The following CEMP1 variants were observed in gnomAD, a reference collection of about 807,000 sequenced individuals.
CEMP1 encodes cementum protein 1, also known as cementoblastoma-derived protein 1.
For missense variants in CEMP1, 387 were observed against 316.9 expected (o/e 1.22, Z -1.68); for synonymous variants, 161 against 128.6 (o/e 1.25, Z -1.71).
chr16:2,530,417 T>G lies in CEMP1; in HGVS notation c.657A>C (p.Ser219=). 1.2e-6 allele frequency: 2 copies of G among 1,614,196 alleles called. No individual in the cohort carries two copies. Among genetic ancestry groups the G allele is most frequent in the Non-Finnish European group, 1.7e-6 (2 of 1,180,020 alleles). The change falls in exon 1 of 1, where the codon TCA becomes TCC. Residue 219 remains serine, a synonymous_variant. Transcript: ENST00000567119. ...GGCAAACACGGGCCGTGAGGCTCCC[T>G]GAACAGCTTCGAGGCGGGTGGGCTT... ...APEAHPPRSC[S]GSLTARVCHM... is the part of the protein sequence containing the mutation.
rs200546798 is a variant in CEMP1 at position 2,530,684 on chromosome 16, T to G, written c.390A>C (p.Leu130=). 881 of 1,613,948 alleles carry G rather than the reference T, an allele frequency of 5.5e-4. 1 individual carries two copies. Among genetic ancestry groups the G allele is most frequent in the Non-Finnish European group, 6.6e-4 (778 of 1,180,006 alleles). ...GGAAATGTCTCCAGGTCCAAAGAGA[T>G]AGGATGGTCTGGGCCCCACCTGTTG... ...SLPTGGAQTI[L]SLWTWRHFLN... Residue 130 remains leucine (L), a synonymous_variant, in exon 1 of 1, where the codon CTA becomes CTC. Transcript: ENST00000567119.
chr16:2,530,333 C>A lies in CEMP1; in HGVS notation c.741G>T (p.Gly247=), dbSNP rs1290796503. 1 of 1,614,166 alleles carries A rather than the reference C, an allele frequency of 6.2e-7. No individual in the cohort carries two copies. Among genetic ancestry groups the A allele is most frequent in the East Asian group, 2.2e-5 (1 of 44,888 alleles). The change falls in exon 1 of 1, where the codon GGG becomes GGT. Residue 247 remains glycine (G), a synonymous_variant. Coordinates refer to ENST00000567119, the MANE Select transcript of CEMP1 (RefSeq NM_001048212.3). ...GGGAGGCACCAGTGTGCCCTGCTCA[C>A]CCCATTAGTGTCATCCTGCCATCTT... ...DTEDGRMTLM[G] is the part of the protein sequence containing the mutation.
In CEMP1 at chr16:2,530,148, G is replaced by A. The variant is rs936812923; in HGVS notation, c.*182C>T. ...CTCTGACCTCCAGGAGGGAGACTGG[G>A]CCCGGGACCCCTGTTTTCTGCTCCC... On this transcript the variant is annotated 3_prime_UTR_variant, in exon 1 of 1. Coordinates refer to ENST00000567119, the MANE Select transcript of CEMP1 (RefSeq NM_001048212.3). 9.2e-6 allele frequency: 13 copies of A among 1,415,090 alleles called. No homozygotes were observed. The highest frequency in any genetic ancestry group is 2.6e-5 in the Admixed American group (1 of 39,150). The allele number at this position is 1,415,090 out of a possible 1,614,324, so 87.7% of individuals were successfully genotyped here.
rs1230949279 is a variant in CEMP1 at position 2,531,344 on chromosome 16, G to A, written c.-271C>T. 1.9e-6 allele frequency: 1 copy of A among 522,464 alleles called. No homozygotes were observed. The highest frequency in any genetic ancestry group is 3.5e-6 in the Non-Finnish European group (1 of 286,086). 32.4% of individuals were successfully genotyped at this position (522,464 alleles called of 1,614,324 possible). A position where few individuals can be genotyped will look rare whatever the true frequency, so the allele number is the denominator to read the frequency against. On this transcript the variant is annotated 5_prime_UTR_variant, in exon 1 of 1. Coordinates refer to ENST00000567119, the MANE Select transcript of CEMP1 (RefSeq NM_001048212.3). ...TGCAGGATGATTTTGAGGTGTGGGGGAAGCACTCTTGGTTGGTTTTGGTTT... is the reference window on the plus strand; with the variant it reads ...TGCAGGATGATTTTGAGGTGTGGGGAAAGCACTCTTGGTTGGTTTTGGTTT...
At position 2,530,040 on chromosome 16, in the gene CEMP1, T is replaced by G. The variant is rs1597001209; in HGVS notation, c.*290A>C. The G allele has an allele frequency of 2.6e-6, 2 of 776,138 alleles. No individual in the cohort carries two copies. Among genetic ancestry groups the G allele is most frequent in the Non-Finnish European group, 4.0e-6 (2 of 505,460 alleles). 48.1% of individuals were successfully genotyped at this position (776,138 alleles called of 1,614,324 possible). On this transcript the variant is annotated 3_prime_UTR_variant, in exon 1 of 1. Transcript: ENST00000567119. The stretch of plus-strand genomic sequence containing the variant: ...CACAGGGAGTGTGGACAGTCAGGGG[T>G]TTGCTTTCTGCTCCTGAGTTGGGGT...
rs146509706 is a variant in CEMP1 at position 2,531,088 on chromosome 16, C to G, written c.-15G>C. The G allele has an allele frequency of 1.0e-3, 1,571 of 1,572,154 alleles. 17 individuals are homozygous for G. The African/African-American group carries it at 0.018, about 18-fold the overall frequency. On this transcript the variant is annotated 5_prime_UTR_variant, in exon 1 of 1. Coordinates refer to ENST00000567119, the MANE Select transcript of CEMP1 (RefSeq NM_001048212.3). The stretch of plus-strand genomic sequence containing the variant: ...GATGTGCCCATCCTCAGCTAAAACC[C>G]AGAGCTGGCATGTTGGTCATCCCCA...
Position 2,531,241 on chromosome 16 carries a change from T to C in CEMP1, c.-168A>G. ...GTCGGGGAGGGGCTGGCAGAGATGG[T>C]TGGTCCACAGGGCTAGCCCTGGGTG... On this transcript the variant is annotated 5_prime_UTR_variant, in exon 1 of 1. Transcript: ENST00000567119. 1 of 868,624 alleles carries C rather than the reference T, an allele frequency of 1.2e-6. No individual in the cohort carries two copies. The highest frequency in any genetic ancestry group is 1.8e-6 in the Non-Finnish European group (1 of 569,524). The allele number at this position is 868,624 out of a possible 1,614,324, so 53.8% of individuals were successfully genotyped here. A position where few individuals can be genotyped will look rare whatever the true frequency, so the allele number is the denominator to read the frequency against.
chr16:2,530,187 C>T lies in CEMP1; in HGVS notation c.*143G>A, dbSNP rs2066067016. 5 of 1,491,110 alleles carry T rather than the reference C, an allele frequency of 3.4e-6. No homozygotes were observed. The highest frequency in any genetic ancestry group is 4.5e-6 in the Non-Finnish European group (5 of 1,120,180). 92.4% of individuals were successfully genotyped at this position (1,491,110 alleles called of 1,614,324 possible). ...TTTTCTGCTCCCTGGACTGCCTAGC[C>T]CTGAGTGCCACGGATGACCAGCGTT... On this transcript the variant is annotated 3_prime_UTR_variant, in exon 1 of 1. Transcript: ENST00000567119.
Position 2,530,513 on chromosome 16 carries a change from A to G in CEMP1, c.561T>C (p.Pro187=). ...SNGEKVKTIT[P]DVGLHQSLTS... is the part of the protein sequence containing the mutation. ...TCAGGGATTGGTGCAGCCCCACGTC[A>G]GGGGTGATTGTCTTGACTTTCTCTC... Residue 187 remains proline, a synonymous_variant, in exon 1 of 1, where the codon CCT becomes CCC. Transcript: ENST00000567119. 2 of 1,614,098 alleles carry G rather than the reference A, an allele frequency of 1.2e-6. No homozygotes were observed. The highest frequency in any genetic ancestry group is 1.7e-6 in the Non-Finnish European group (2 of 1,179,942).
At position 2,530,275 on chromosome 16, in the gene CEMP1, G is replaced by T; in HGVS notation, c.*55C>A. The T allele has an allele frequency of 6.2e-7, 1 of 1,612,956 alleles. No individual in the cohort carries two copies. Among genetic ancestry groups the T allele is most frequent in the Non-Finnish European group, 8.5e-7 (1 of 1,179,578 alleles). ...TCCCCAGGCCCAGTGCTTGCCGGCT[G>T]TGGTGACCCTGCCTGGTGCTGGAGG... On this transcript the variant is annotated 3_prime_UTR_variant, in exon 1 of 1. Transcript: ENST00000567119.
At position 2,530,572 on chromosome 16, in the gene CEMP1, C is replaced by T. The variant is rs764108795; in HGVS notation, c.502G>A (p.Gly168Arg). 4 of 1,614,202 alleles carry T rather than the reference C, an allele frequency of 2.5e-6. No individual in the cohort carries two copies. In the South Asian group the frequency reaches 3.3e-5, roughly 13 times the overall value. Reference sequence around the variant, plus strand: ...TTCTGGGGTGGGTGGCTCCCTTCCCCCTTGCTTACAGGTGCTGTCCTGGGC... The same window carrying T: ...TTCTGGGGTGGGTGGCTCCCTTCCCTCTTGCTTACAGGTGCTGTCCTGGGC... The part of the protein sequence containing the change: ...PVPRTAPVSK[G>R]EGSHPPQNSN... Residue 168 changes from glycine (G) to arginine (R), a missense_variant, in exon 1 of 1, where the codon GGG becomes AGG. Transcript: ENST00000567119.
At position 2,530,456 on chromosome 16, in the gene CEMP1, G is replaced by A. The variant is rs976651249; in HGVS notation, c.618C>T (p.Ala206=). The A allele has an allele frequency of 2.5e-6, 4 of 1,614,120 alleles. No homozygotes were observed. Among genetic ancestry groups the A allele is most frequent in the Non-Finnish European group, 3.4e-6 (4 of 1,180,006 alleles). The change falls in exon 1 of 1, where the codon GCC becomes GCT. Residue 206 remains alanine, a synonymous_variant. Coordinates refer to ENST00000567119, the MANE Select transcript of CEMP1 (RefSeq NM_001048212.3). ...TSDPTVAVLR[A]KRAPEAHPPR... Reference sequence around the variant, plus strand: ...GCGGGTGGGCTTCTGGAGCCCTCTTGGCTCTGAGGACAGCCACAGTGGGGT... The same window carrying A: ...GCGGGTGGGCTTCTGGAGCCCTCTTAGCTCTGAGGACAGCCACAGTGGGGT...
At position 2,530,581 on chromosome 16, in the gene CEMP1, C is replaced by A; in HGVS notation, c.493G>T (p.Val165Leu). 1.2e-6 allele frequency: 2 copies of A among 1,614,210 alleles called. No individual in the cohort carries two copies. Among genetic ancestry groups the A allele is most frequent in the Middle Eastern group, 1.6e-4 (1 of 6,062 alleles). Reference protein sequence around the residue: ...RVPPVPRTAPVSKGEGSHPPQ... With the variant: ...RVPPVPRTAPLSKGEGSHPPQ... ...GGGTGGCTCCCTTCCCCCTTGCTTA[C>A]AGGTGCTGTCCTGGGCACAGGAGGT... Residue 165 changes from valine (V) to leucine (L), a missense_variant, in exon 1 of 1, where the codon GTA (valine) becomes TTA (leucine). Val to Leu is a conservative substitution (Grantham distance 32). Coordinates refer to ENST00000567119, the MANE Select transcript of CEMP1 (RefSeq NM_001048212.3).
Position 2,530,112 on chromosome 16 carries a change from CA to C in CEMP1, c.*217del. 1 of 1,250,404 alleles carries C rather than the reference CA, an allele frequency of 8.0e-7. No homozygotes were observed. Among genetic ancestry groups the C allele is most frequent in the Non-Finnish European group, 1.1e-6 (1 of 929,574 alleles). 77.5% of individuals were successfully genotyped at this position (1,250,404 alleles called of 1,614,324 possible). A position where few individuals can be genotyped will look rare whatever the true frequency, so the allele number is the denominator to read the frequency against. On this transcript the variant is annotated 3_prime_UTR_variant, in exon 1 of 1. Coordinates refer to ENST00000567119, the MANE Select transcript of CEMP1 (RefSeq NM_001048212.3). ...CTGGTTCTGGGCCAGGGCACAGTGCCAGGGGCTCCGCTCTGACCTCCAGGAG... is the reference window on the plus strand; with the variant it reads ...CTGGTTCTGGGCCAGGGCACAGTGCCGGGGCTCCGCTCTGACCTCCAGGAG...
rs76722821 is a variant in CEMP1, at chr16:2,530,754, G to A, written c.320C>T (p.Ala107Val). Residue 107 changes from alanine to valine, a missense_variant, in exon 1 of 1, where the codon GCG becomes GTG. Physicochemically the swap from Ala to Val is moderately conservative, Grantham distance 64. Transcript: ENST00000567119. The part of the protein sequence containing the change: ...PCALPQALPQ[A>V]RPCPGRWFFP... The stretch of plus-strand genomic sequence containing the variant: ...GAACCACCTGCCTGGGCAGGGCCTC[G>A]CCTGAGGGAGGGCCTGGGGCAGGGC... The A allele has an allele frequency of 1.4e-5, 22 of 1,613,422 alleles. No individual in the cohort carries two copies. The highest frequency in any genetic ancestry group is 1.2e-4 in the African/African-American group (9 of 74,922).
In CEMP1 at chr16:2,530,432, C is replaced by G; in HGVS notation, c.642G>C (p.Pro214=). ...LRAKRAPEAH[P]PRSCSGSLTA... is the part of the protein sequence containing the mutation. Reference sequence around the variant, plus strand: ...TGAGGCTCCCTGAACAGCTTCGAGGCGGGTGGGCTTCTGGAGCCCTCTTGG... The same window carrying G: ...TGAGGCTCCCTGAACAGCTTCGAGGGGGGTGGGCTTCTGGAGCCCTCTTGG... Residue 214 remains proline, a synonymous_variant, in exon 1 of 1, where the codon CCG becomes CCC. Coordinates refer to ENST00000567119, the MANE Select transcript of CEMP1 (RefSeq NM_001048212.3). 6.2e-7 allele frequency: 1 copy of G among 1,614,048 alleles called. No homozygotes were observed. The highest frequency in any genetic ancestry group is 1.1e-5 in the South Asian group (1 of 91,082).
Position 2,531,078 on chromosome 16 carries a change from A to G in CEMP1, c.-5T>C. 1.3e-6 allele frequency: 2 copies of G among 1,581,944 alleles called. No individual in the cohort carries two copies. The highest frequency in any genetic ancestry group is 1.7e-6 in the Non-Finnish European group (2 of 1,160,000). On this transcript the variant is annotated 5_prime_UTR_variant, in exon 1 of 1. It removes the in-frame stop codon of an upstream open reading frame in the 5' UTR. Transcript: ENST00000567119. ...GTCAGTGCTTGATGTGCCCATCCTC[A>G]GCTAAAACCCAGAGCTGGCATGTTG...
In CEMP1 at chr16:2,530,709, G is replaced by C. The variant is rs1343142378; in HGVS notation, c.365C>G (p.Pro122Arg). 1 of 1,614,054 alleles carries C rather than the reference G, an allele frequency of 6.2e-7. No homozygotes were observed. The highest frequency in any genetic ancestry group is 8.5e-7 in the Non-Finnish European group (1 of 1,180,018). The change falls in exon 1 of 1, where the codon CCA (proline) becomes CGA (arginine). Residue 122 changes from proline to arginine, a missense_variant. Transcript: ENST00000567119. ...TAGGATGGTCTGGGCCCCACCTGTT[G>C]GAAGGGAACAGCCAGGGAAGAACCA... ...GRWFFPGCSL[P>R]TGGAQTILSL...
chr16:2,531,396 A>C lies in CEMP1; in HGVS notation c.-323T>G. 2.0e-6 allele frequency: 1 copy of C among 506,456 alleles called. No individual in the cohort carries two copies. The highest frequency in any genetic ancestry group is 3.6e-6 in the Non-Finnish European group (1 of 277,712). The allele number at this position is 506,456 out of a possible 1,614,324, so 31.4% of individuals were successfully genotyped here. On this transcript the variant is annotated 5_prime_UTR_variant, in exon 1 of 1. It removes an upstream start codon present in the reference 5' UTR. Transcript: ENST00000567119. ...CTTTTTAAAAATTGTGGTAAAATACATAACAAAAGTAACTATCGTAACCTG... is the reference window on the plus strand; with the variant it reads ...CTTTTTAAAAATTGTGGTAAAATACCTAACAAAAGTAACTATCGTAACCTG...
Sources: gnomAD v4.1 joint callset for allele counts on GRCh38, gnomAD v4.1.1 for gene constraint, MANE v1.5 for transcripts, NCBI Gene and HGNC (gene_info 2026-07-23, HGNC 2026-07-21) for gene names.